STXBP6: variants seen among roughly 807,000 people sequenced by gnomAD.
STXBP6 encodes the protein syntaxin-binding protein 6.
A neutral mutation model predicts 26.9 loss-of-function variants in STXBP6; 21 were observed. That is an observed-to-expected ratio of 0.78 (90% CI 0.55 to 1.12). The LOEUF is 1.12. Among genes scored for constraint, STXBP6 ranks in the 50% most tolerant of loss-of-function variants. The pLI, the probability that STXBP6 is intolerant of heterozygous loss-of-function variation, is 0.00. For synonymous variants in STXBP6, 97 were observed against 92.6 expected (o/e 1.05, Z -0.27); for missense variants, 232 against 257.9 (o/e 0.90, Z 0.69).
intron 2 of STXBP6, among the ~76,000 whole-genome samples, chr14:24,910,186 T>C (rs2071520634): frequency 6.6e-6 from 1 of 152,160 alleles, no homozygotes; most frequent in African/African-American, 2.4e-5. Flanking sequence ...ACTTGCTTCA[T>C]GCCACTGCTC....
chr14:25,011,837 A>G (rs1384856524), intron 1 of STXBP6, among the ~76,000 whole-genome samples: 2 of 152,236 alleles, frequency 1.3e-5, no homozygotes, highest in Admixed American at 6.5e-5. Flanking sequence ...AGTGGAAAAC[A>G]TATGAGCCAT....
chr14:24,880,464 G>C (rs921946802), intron 2 of STXBP6, among the ~76,000 whole-genome samples: 3 of 152,104 alleles, frequency 2.0e-5, no homozygotes, highest in Non-Finnish European at 2.9e-5. Context: ...TGCATAGAGA[G>C]GAAGATCCTC....
intron 2 of STXBP6, among the ~76,000 whole-genome samples, chr14:24,956,082 A>G (rs976793640): frequency 6.6e-6 from 1 of 152,166 alleles, no homozygotes; most frequent in Non-Finnish European, 1.5e-5. Context: ...CAAAAGCACA[A>G]GAGAGTCAAA....
Position 24,910,384 on chromosome 14 carries a change from T to C in STXBP6, c.155-53227A>G, listed in dbSNP as rs146229867. Among the ~76,000 whole-genome samples, 199 of 152,376 alleles carry C rather than the reference T, an allele frequency of 1.3e-3. 2 individuals carry two copies. Among genetic ancestry groups the C allele is most frequent in the African/African-American group, 4.6e-3 (193 of 41,596 alleles). On this transcript the variant is annotated intron_variant, in intron 2 of 5. Transcript: ENST00000323944. Reference sequence around the variant, plus strand: ...ATTAAAGCCAGAGTTTTTGCCTTTGTTGTTCATTGCCTGGTATCCCTGCAG... The same window carrying C: ...ATTAAAGCCAGAGTTTTTGCCTTTGCTGTTCATTGCCTGGTATCCCTGCAG...
chr14:24,866,244 T>C (rs1325068906), intron 2 of STXBP6, among the ~76,000 whole-genome samples: 2 of 152,156 alleles, frequency 1.3e-5, no homozygotes, highest in Non-Finnish European at 2.9e-5. Flanking sequence ...ACTGCAATAC[T>C]GGCTCCTTCT....
At chr14:25,006,779 T>C (rs951486076) in intron 1 of STXBP6, among the ~76,000 whole-genome samples, 8 of 152,094 alleles carry the variant, frequency 5.3e-5, no homozygotes, top group South Asian at 2.1e-4. Flanking sequence ...CCAAGGAACA[T>C]CAATCACATC....
intron 2 of STXBP6, among the ~76,000 whole-genome samples, chr14:24,954,993 T>C (rs1316838905): frequency 6.6e-6 from 1 of 152,322 alleles, no homozygotes; most frequent in African/African-American, 2.4e-5. Context: ...GGAGGTAACA[T>C]GCATCCATGC....
intron 2 of STXBP6, among the ~76,000 whole-genome samples, chr14:24,895,943 T>C (rs1252673475): frequency 6.6e-6 from 1 of 152,222 alleles, no homozygotes; most frequent in African/African-American, 2.4e-5. Flanking sequence ...CAGAACTCAC[T>C]GAACAGTAGT....
intron 4 of STXBP6, among the ~76,000 whole-genome samples, chr14:24,827,391 T>C (rs1263033373): frequency 6.6e-6 from 1 of 152,220 alleles, no homozygotes; most frequent in Non-Finnish European, 1.5e-5. Context: ...ACTGTCTATA[T>C]TTGTCTGCTT....
chr14:24,933,151 G>A (rs2139921026), intron 2 of STXBP6, among the ~76,000 whole-genome samples: 1 of 152,296 alleles, frequency 6.6e-6, no homozygotes, highest in African/African-American at 2.4e-5. Context: ...GACCAGCCTA[G>A]CCAATATGGT....
At chr14:24,959,582 T>C (rs2073460601) in intron 2 of STXBP6, among the ~76,000 whole-genome samples, 1 of 152,204 alleles carries the variant, frequency 6.6e-6, no homozygotes, top group Non-Finnish European at 1.5e-5. Flanking sequence ...ATGTGGCACA[T>C]GTAAATGTTT....
At chr14:24,980,028 G>T (rs1357687798) in intron 1 of STXBP6, among the ~76,000 whole-genome samples, 2 of 152,130 alleles carry the variant, frequency 1.3e-5, no homozygotes, top group Non-Finnish European at 2.9e-5. Context: ...AGACAATTTT[G>T]TAAATGTTAA....
intron 4 of STXBP6, among the ~76,000 whole-genome samples, chr14:24,834,345 A>C (rs2068548177): frequency 6.6e-6 from 1 of 152,214 alleles, no homozygotes; most frequent in South Asian, 2.1e-4. Flanking sequence ...TACAGGTTCA[A>C]ATTTTAACAG....
intron 2 of STXBP6, among the ~76,000 whole-genome samples, chr14:24,952,942 A>G (rs1159094158): frequency 2.6e-5 from 4 of 152,198 alleles, no homozygotes; most frequent in African/African-American, 7.2e-5. Flanking sequence ...CAAATGCTCA[A>G]TACAAAGACA....
At chr14:24,907,501 A>C (rs1174418751) in intron 2 of STXBP6, among the ~76,000 whole-genome samples, 1 of 152,204 alleles carries the variant, frequency 6.6e-6, no homozygotes, top group Non-Finnish European at 1.5e-5. Flanking sequence ...GGAAAAACAC[A>C]CCAACATGTT....
intron 2 of STXBP6, among the ~76,000 whole-genome samples, chr14:24,865,115 A>C (rs887530534): frequency 6.6e-6 from 1 of 152,134 alleles, no homozygotes; most frequent in Admixed American, 6.6e-5. Context: ...AAAGCTGAAC[A>C]TGTACATATT....
At position 24,991,125 on chromosome 14, in the gene STXBP6, G is replaced by A. The variant is rs1320503646; in HGVS notation, c.-32-16275C>T. 3.3e-5 allele frequency among the ~76,000 whole-genome samples: 5 copies of A among 150,732 alleles called. No homozygotes were observed. The East Asian group carries it at 9.8e-4, about 30-fold the overall frequency. ...GGGGGAAGAGAGAGGAGAAGGAGAT[G>A]AGTGAGAGAAGGAGGAGGAAGAGAA... On this transcript the variant is annotated intron_variant, in intron 1 of 5. Transcript: ENST00000323944.
chr14:24,881,928 G>T (rs2070371259), intron 2 of STXBP6, among the ~76,000 whole-genome samples: 1 of 152,170 alleles, frequency 6.6e-6, no homozygotes, highest in African/African-American at 2.4e-5. Flanking sequence ...GGAGGCCAGT[G>T]GCCTACAGAC....
At chr14:24,821,286 G>A (rs1685092587) in intron 4 of STXBP6, among the ~76,000 whole-genome samples, 1 of 152,146 alleles carries the variant, frequency 6.6e-6, no homozygotes, top group East Asian at 1.9e-4. Context: ...AAATTAAGAG[G>A]GTGTATAACC....
Sources: allele counts gnomAD v4.1 joint callset (sites outside exome capture counted in the v4.1 genomes callset), GRCh38; gene constraint gnomAD v4.1.1; transcripts MANE v1.5; gene names NCBI Gene and HGNC (gene_info 2026-07-23, HGNC 2026-07-21).